VWA8: variants seen among roughly 807,000 people sequenced by gnomAD.
VWA8 encodes von Willebrand factor A domain-containing protein 8.
A neutral mutation model predicts 241.5 loss-of-function variants in VWA8; 221 were observed. The ratio of observed to expected loss-of-function variants is 0.91; its 90% CI spans 0.82 to 1.02. VWA8 has a LOEUF of 1.02. Ranked by LOEUF, VWA8 falls within the 50% of genes least tolerant of loss-of-function variation. VWA8 has a pLI of 0.00. For synonymous variants in VWA8, 852 were observed against 827.1 expected, an observed-to-expected ratio of 1.03 and a Z score of -0.52; for missense variants, 2,322 against 2,328.7, an observed-to-expected ratio of 1.00 and a Z score of 0.06.
chr13:41,883,569 A>G (rs924519069), intron 8 of VWA8, 78 bp from the exon 9 acceptor site: 51 of 1,097,586 alleles, frequency 4.6e-5, no homozygotes, highest in Non-Finnish European at 6.6e-5. Flanking sequence ...TACATATGAC[A>G]TTAAAATTGA....
intron 21 of VWA8, among the ~76,000 whole-genome samples, chr13:41,745,381 C>T (rs1405230105): frequency 6.6e-6 from 1 of 152,064 alleles, no homozygotes; most frequent in Non-Finnish European, 1.5e-5. Context: ...TGAGTGAGAA[C>T]ATGTGGTGTT....
chr13:41,572,344 C>T (rs9594578), intron 43 of VWA8, among the ~76,000 whole-genome samples: 36,374 of 152,134 alleles, frequency 0.24, 5,202 homozygotes, highest in African/African-American at 0.38. Context: ...ACGATGGCGG[C>T]TTTGTCGAAT....
intron 12 of VWA8, among the ~76,000 whole-genome samples, chr13:41,854,385 C>G (rs1872654480): frequency 6.6e-6 from 1 of 151,974 alleles, no homozygotes; most frequent in African/African-American, 2.4e-5. Context: ...ACATCTGCAA[C>G]TGAATCATAA....
chr13:41,926,258 C>G, intron 2 of VWA8: 1 of 667,808 alleles, frequency 1.5e-6, no homozygotes. Context: ...GCCTCAAAGA[C>G]CAGGAAACAA....
intron 15 of VWA8, among the ~76,000 whole-genome samples, chr13:41,818,535 C>G (rs911396989): frequency 6.6e-6 from 1 of 151,926 alleles, no homozygotes; most frequent in Admixed American, 6.6e-5. Context: ...ACCACTCCAG[C>G]GTGGGCAATA....
At position 41,590,519 on chromosome 13, in the gene VWA8, A is replaced by G. The variant is rs988937204; in HGVS notation, c.5112+121T>C. On this transcript the variant is annotated intron_variant, in intron 41 of 44. Transcript: ENST00000379310. ...TCTTCTTTTTTTTTTTTTTTAACATAATGCTTTCCTTGGTTACCATATTCA... is the reference window on the plus strand; with the variant it reads ...TCTTCTTTTTTTTTTTTTTTAACATGATGCTTTCCTTGGTTACCATATTCA... 3 of 1,071,952 alleles carry G rather than the reference A, an allele frequency of 2.8e-6. No individual in the cohort carries two copies. The African/African-American group carries it at 4.9e-5, about 17-fold the overall frequency. 66.4% of individuals were successfully genotyped at this position (1,071,952 alleles called of 1,614,324 possible).
chr13:41,815,039 G>A (rs1379755047), intron 16 of VWA8, among the ~76,000 whole-genome samples: 1 of 152,180 alleles, frequency 6.6e-6, no homozygotes, highest in Non-Finnish European at 1.5e-5. Context: ...GCTTCAGGAA[G>A]GCCTCACAGA....
At chr13:41,782,120 A>G (rs151271127) in intron 19 of VWA8, among the ~76,000 whole-genome samples, 1 of 152,360 alleles carries the variant, frequency 6.6e-6, no homozygotes, top group Non-Finnish European at 1.5e-5. Flanking sequence ...ATAATGCTTT[A>G]AGAAGAGAAG....
intron 39 of VWA8, among the ~76,000 whole-genome samples, chr13:41,606,614 A>G (rs2044555193): frequency 6.6e-6 from 1 of 152,104 alleles, no homozygotes; most frequent in Non-Finnish European, 1.5e-5. Context: ...TCTAATGTGT[A>G]TTTTTTATCA....
At chr13:41,904,110 A>C (rs2138102260) in intron 4 of VWA8, among the ~76,000 whole-genome samples, 1 of 152,304 alleles carries the variant, frequency 6.6e-6, no homozygotes, top group African/African-American at 2.4e-5. Flanking sequence ...TCATCTAAAA[A>C]TATTCTTTTT....
At chr13:41,900,393 G>A (rs920764138) in intron 4 of VWA8, among the ~76,000 whole-genome samples, 1 of 152,062 alleles carries the variant, frequency 6.6e-6, no homozygotes, top group Non-Finnish European at 1.5e-5. Context: ...AGAACTTCCA[G>A]AGACCTAATT....
At chr13:41,868,592 A>AT in intron 9 of VWA8, 115 bp from the exon 10 acceptor site, 2 of 1,295,508 alleles carry the variant, frequency 1.5e-6, no homozygotes, top group Non-Finnish European at 2.1e-6. Context: ...ATTATATAAA[A>AT]GTAGAGGTTA....
At chr13:41,749,980 AACCTGCGCGTTGTGC>A (rs1406015666) in intron 21 of VWA8, among the ~76,000 whole-genome samples, 1 of 152,060 alleles carries the variant, frequency 6.6e-6, no homozygotes, top group Non-Finnish European at 1.5e-5. Flanking sequence ...ATATGTAACA[AACCTGCGCGTTGTGC>A]ACATGTACCC....
chr13:41,750,190 T>G (rs144235251), intron 21 of VWA8, among the ~76,000 whole-genome samples: 1 of 152,150 alleles, frequency 6.6e-6, no homozygotes, highest in Admixed American at 6.5e-5. Context: ...ATCCCAGCAC[T>G]TTGGGAGGCT....
intron 17 of VWA8, among the ~76,000 whole-genome samples, chr13:41,789,338 A>G (rs1869349014): frequency 6.6e-6 from 1 of 152,164 alleles, no homozygotes. Context: ...ACTCTTTACT[A>G]TCCTAGCTTC....
intron 39 of VWA8, among the ~76,000 whole-genome samples, chr13:41,605,708 G>C (rs1163512146): frequency 6.6e-6 from 1 of 151,750 alleles, no homozygotes; most frequent in Non-Finnish European, 1.5e-5. Flanking sequence ...AGATTCCTAA[G>C]AGGGTTCCCA....
At chr13:41,822,519 ATAAG>A (rs990855975) in intron 14 of VWA8, among the ~76,000 whole-genome samples, 39 of 152,286 alleles carry the variant, frequency 2.6e-4, no homozygotes, top group African/African-American at 9.1e-4. Flanking sequence ...CAGACGCTAA[ATAAG>A]TAAGTGTATA....
Position 41,885,953 on chromosome 13 carries a change from AG to A in VWA8, c.941del (p.Pro314LeufsTer2), listed in dbSNP as rs770234786. 7.5e-6 allele frequency: 12 copies of A among 1,604,938 alleles called. No individual in the cohort carries two copies. The highest frequency in any genetic ancestry group is 8.5e-6 in the Non-Finnish European group (10 of 1,177,654). On this transcript the variant is annotated frameshift_variant, in exon 8 of 45. Transcript: ENST00000379310. LOFTEE classifies it high-confidence loss of function. ...ESSTLGLPDFPLDSLAAAVQI... is the reference protein window; with the variant it reads ...ESSTLGLPDFXLDSLAAAVQI... ...GAACCGCAGCTGCTAAACTATCTAA[AG>A]GAAAGTCTGGAAGTCCAAGAGTAGA...
At position 41,907,548 on chromosome 13, in the gene VWA8, G is replaced by A. The variant is rs753233505; in HGVS notation, c.483+38C>T. 10 of 1,556,608 alleles carry A rather than the reference G, an allele frequency of 6.4e-6. No individual in the cohort carries two copies. In the African/African-American group the frequency reaches 1.2e-4, roughly 19 times the overall value. Reference sequence around the variant, plus strand: ...TAAAAATCAATCTTGTATAGACCTGGAGTACACAGTCATGGGCTAGAGTGT... The same window carrying A: ...TAAAAATCAATCTTGTATAGACCTGAAGTACACAGTCATGGGCTAGAGTGT... On this transcript the variant is annotated intron_variant, in intron 4 of 44. Coordinates refer to ENST00000379310, the MANE Select transcript of VWA8 (RefSeq NM_015058.2).
Sources: allele counts gnomAD v4.1 joint callset (sites outside exome capture counted in the v4.1 genomes callset), GRCh38; gene constraint gnomAD v4.1.1; transcripts MANE v1.5; gene names NCBI Gene and HGNC (gene_info 2026-07-23, HGNC 2026-07-21).